CSMD1: variants seen among roughly 807,000 people sequenced by gnomAD.
The protein encoded by CSMD1 is CUB and Sushi multiple domains 1.
CSMD1 carries 213 observed loss-of-function variants against 417.5 expected under a neutral mutation model. The observed-to-expected ratio is 0.51, with a 90% CI of 0.46 to 0.57. The LOEUF is 0.57. Ranked by LOEUF, CSMD1 falls within the 20% of genes least tolerant of loss-of-function variation. The pLI is 0.00. For missense variants in CSMD1, 6,923 were observed against 4,529.7 expected (o/e 1.53, Z -15.17); for synonymous variants, 2,862 against 1,736.8 (o/e 1.65, Z -16.11).
At chr8:3,769,495 TA>T (rs1199359821) in intron 5 of CSMD1, among the ~76,000 whole-genome samples, 1 of 123,938 alleles carries the variant, frequency 8.1e-6, no homozygotes, top group Non-Finnish European at 2.0e-5. Flanking sequence ...AAATAGAGGA[TA>T]AAAAAATAAG....
intron 2 of CSMD1, among the ~76,000 whole-genome samples, chr8:4,486,266 T>TAC: frequency 7.2e-6 from 1 of 138,876 alleles, no homozygotes; most frequent in Admixed American, 7.3e-5. Flanking sequence ...TATATATATA[T>TAC]ATATATATAT....
intron 1 of CSMD1, among the ~76,000 whole-genome samples, chr8:4,905,682 T>C (rs535614328): frequency 8.8e-4 from 133 of 151,518 alleles, no homozygotes; most frequent in South Asian, 2.5e-3. Flanking sequence ...TAGCCGGGCG[T>C]GGTGGCGGGC....
At chr8:4,165,164 T>G (rs1797383932) in intron 3 of CSMD1, among the ~76,000 whole-genome samples, 1 of 152,174 alleles carries the variant, frequency 6.6e-6, no homozygotes, top group Non-Finnish European at 1.5e-5. Context: ...CTGCTTAATA[T>G]GATACCTACG....
At chr8:4,825,286 G>C (rs542236064) in intron 1 of CSMD1, among the ~76,000 whole-genome samples, 13 of 152,142 alleles carry the variant, frequency 8.5e-5, no homozygotes, top group South Asian at 6.2e-4. Flanking sequence ...CCCCACTCAA[G>C]GATATAAACA....
chr8:4,484,619 A>G (rs1040887899), intron 2 of CSMD1, among the ~76,000 whole-genome samples: 1 of 152,060 alleles, frequency 6.6e-6, no homozygotes, highest in Non-Finnish European at 1.5e-5. Context: ...GACCTGCTCT[A>G]TGAGAGGGAA....
chr8:4,433,319 C>A (rs551287516), intron 2 of CSMD1, among the ~76,000 whole-genome samples: 1 of 152,174 alleles, frequency 6.6e-6, no homozygotes, highest in East Asian at 1.9e-4. Context: ...CGAAACTGGT[C>A]CCTGGCACCA....
At chr8:3,385,582 T>G (rs374561187) in intron 18 of CSMD1, among the ~76,000 whole-genome samples, 1 of 152,300 alleles carries the variant, frequency 6.6e-6, no homozygotes. Context: ...TATCCTGTTC[T>G]TGACTTTCAA....
chr8:3,376,198 T>G (rs888589407), intron 18 of CSMD1, among the ~76,000 whole-genome samples: 14 of 152,118 alleles, frequency 9.2e-5, no homozygotes, highest in African/African-American at 3.1e-4. Flanking sequence ...AAAAAAAATT[T>G]TTTGACAATA....
intron 3 of CSMD1, among the ~76,000 whole-genome samples, chr8:4,259,347 C>T (rs758794466): frequency 6.6e-6 from 1 of 152,102 alleles, no homozygotes; most frequent in African/African-American, 2.4e-5. Flanking sequence ...AGCCTGAGAA[C>T]AGGAAAGCGA....
intron 23 of CSMD1, among the ~76,000 whole-genome samples, chr8:3,322,459 T>A (rs1037151722): frequency 3.9e-5 from 6 of 152,206 alleles, no homozygotes; most frequent in African/African-American, 1.2e-4. Flanking sequence ...GCCTATTTCA[T>A]ATAGATCTTG....
intron 3 of CSMD1, among the ~76,000 whole-genome samples, chr8:4,245,333 G>C (rs746883050): frequency 1.3e-5 from 2 of 152,188 alleles, no homozygotes. Flanking sequence ...TTGTGAGGCT[G>C]CAGAGGGTTG....
intron 1 of CSMD1, among the ~76,000 whole-genome samples, chr8:4,939,559 A>T (rs1262024198): frequency 6.6e-6 from 1 of 152,204 alleles, no homozygotes; most frequent in African/African-American, 2.4e-5. Context: ...GACAAATATC[A>T]CATGATCTTG....
intron 1 of CSMD1, among the ~76,000 whole-genome samples, chr8:4,768,968 G>C (rs1310262375): frequency 6.6e-6 from 1 of 152,036 alleles, no homozygotes; most frequent in Admixed American, 6.6e-5. Context: ...AAATTAACTT[G>C]TGACTAAACT....
intron 10 of CSMD1, among the ~76,000 whole-genome samples, chr8:3,501,694 T>C (rs987186160): frequency 1.3e-5 from 2 of 152,132 alleles, no homozygotes; most frequent in African/African-American, 2.4e-5. Context: ...AATTTCCTCA[T>C]AAAAAACATG....
Position 3,187,974 on chromosome 8 carries a change from C to A in CSMD1, c.5524-9G>T. 3 of 1,608,712 alleles carry A rather than the reference C, an allele frequency of 1.9e-6. No individual in the cohort carries two copies. Among genetic ancestry groups the A allele is most frequent in the East Asian group, 2.2e-5 (1 of 44,756 alleles). On this transcript the variant is annotated splice_polypyrimidine_tract_variant and intron_variant, in intron 35 of 69. Transcript: ENST00000635120. ...AAACTGATCACTTGGATCTACCAAA[C>A]CATGACATTAAGTTAATATTTATTT...
intron 5 of CSMD1, among the ~76,000 whole-genome samples, chr8:3,829,576 C>G (rs1802252920): frequency 6.6e-6 from 1 of 152,064 alleles, no homozygotes; most frequent in Non-Finnish European, 1.5e-5. Context: ...GCTGTAACCT[C>G]CAGTACTTAG....
chr8:3,381,877 G>A (rs964666961), intron 18 of CSMD1, among the ~76,000 whole-genome samples: 1 of 152,118 alleles, frequency 6.6e-6, no homozygotes, highest in Non-Finnish European at 1.5e-5. Flanking sequence ...ATGCAATTCT[G>A]TGTGTACCTG....
chr8:3,925,416 G>C (rs963205802), intron 5 of CSMD1, among the ~76,000 whole-genome samples: 1 of 152,116 alleles, frequency 6.6e-6, no homozygotes, highest in Non-Finnish European at 1.5e-5. Flanking sequence ...CATGATGAAA[G>C]AAATAATATT....
At chr8:3,751,075 T>G (rs546870736) in intron 6 of CSMD1, among the ~76,000 whole-genome samples, 4 of 152,236 alleles carry the variant, frequency 2.6e-5, no homozygotes, top group African/African-American at 7.2e-5. Flanking sequence ...AATGTGGTTT[T>G]AAGCAGGAAG....
Sources: gnomAD v4.1 joint callset for allele counts (sites outside exome capture counted in the v4.1 genomes callset) on GRCh38, gnomAD v4.1.1 for gene constraint, MANE v1.5 for transcripts, NCBI Gene and HGNC (gene_info 2026-07-23, HGNC 2026-07-21) for gene names.